SIK3: variants seen among roughly 807,000 people sequenced by gnomAD.
SIK3 encodes the protein SIK family kinase 3.
A neutral mutation model predicts 144.2 loss-of-function variants in SIK3; 28 were observed. The ratio of observed to expected loss-of-function variants is 0.19; its 90% CI spans 0.14 to 0.27. SIK3 has a LOEUF of 0.27. Among genes scored for constraint, SIK3 ranks in the 10% least tolerant of loss-of-function variants. SIK3 has a pLI of 1.00. For synonymous variants in SIK3, 686 were observed against 676.3 expected (o/e 1.01, Z -0.22); for missense variants, 1,319 against 1,776.0 (o/e 0.74, Z 4.62).
At chr11:117,036,734 G>A (rs558601480) in intron 1 of SIK3, among the ~76,000 whole-genome samples, 7 of 152,130 alleles carry the variant, frequency 4.6e-5, no homozygotes, top group Admixed American at 6.5e-5. Context: ...ATGACTCTTC[G>A]GCAAAATACG....
At chr11:116,862,404 GCCTC>G in intron 16 of SIK3, 77 bp from the exon 17 acceptor site, 1 of 1,590,916 alleles carries the variant, frequency 6.3e-7, no homozygotes, top group Non-Finnish European at 8.6e-7. Context: ...ATGCAGATCT[GCCTC>G]CAAGCTCTCA....
At chr11:116,983,890 C>A (rs1371124930) in intron 1 of SIK3, among the ~76,000 whole-genome samples, 1 of 151,640 alleles carries the variant, frequency 6.6e-6, no homozygotes, top group Non-Finnish European at 1.5e-5. Context: ...CATGCGAAAT[C>A]CCATCTAAAA....
intron 17 of SIK3, 130 bp downstream of exon 17, chr11:116,862,072 C>T (rs1943365416): frequency 5.0e-6 from 7 of 1,400,648 alleles, no homozygotes; most frequent in East Asian, 2.3e-5. Flanking sequence ...ATTACCTTTA[C>T]TCAAACATGT....
chr11:116,854,494 G>A (rs1376394080), intron 21 of SIK3, among the ~76,000 whole-genome samples: 1 of 152,250 alleles, frequency 6.6e-6, no homozygotes, highest in South Asian at 2.1e-4. Context: ...TAGCAAAGCT[G>A]TTTATGAGCT....
chr11:117,048,835 G>A (rs1953088750), intron 1 of SIK3, among the ~76,000 whole-genome samples: 1 of 152,074 alleles, frequency 6.6e-6, no homozygotes, highest in African/African-American at 2.4e-5. Flanking sequence ...AGGCATGGTG[G>A]CTCACACCTG....
chr11:117,005,707 T>C (rs988642567), intron 1 of SIK3, among the ~76,000 whole-genome samples: 2 of 152,234 alleles, frequency 1.3e-5, no homozygotes, highest in African/African-American at 2.4e-5. Context: ...TCTATTACTA[T>C]CTTTTGCTGC....
intron 1 of SIK3, among the ~76,000 whole-genome samples, chr11:116,982,965 A>G (rs981869228): frequency 1.1e-4 from 16 of 142,750 alleles, no homozygotes; most frequent in East Asian, 9.9e-4. Flanking sequence ...AAAAAAAAAA[A>G]AAAATTTCTG....
intron 1 of SIK3, among the ~76,000 whole-genome samples, chr11:117,000,329 G>A (rs147562152): frequency 6.6e-6 from 1 of 152,194 alleles, no homozygotes; most frequent in African/African-American, 2.4e-5. Flanking sequence ...ACACAATACT[G>A]TGAATAATAA....
chr11:116,902,506 A>AT (rs1225917779), intron 4 of SIK3, among the ~76,000 whole-genome samples: 2 of 152,198 alleles, frequency 1.3e-5, no homozygotes, highest in African/African-American at 4.8e-5. Flanking sequence ...AATGAATGAT[A>AT]TATTACAGCC....
intron 6 of SIK3, among the ~76,000 whole-genome samples, chr11:116,895,679 T>C (rs929296162): frequency 3.9e-5 from 6 of 152,212 alleles, no homozygotes; most frequent in African/African-American, 1.2e-4. Context: ...TTTTCGGTGT[T>C]AAATTTTTCC....
At chr11:117,010,724 C>T (rs551212645) in intron 1 of SIK3, among the ~76,000 whole-genome samples, 5 of 151,500 alleles carry the variant, frequency 3.3e-5, no homozygotes, top group Admixed American at 1.3e-4. Context: ...TTAATTAAAG[C>T]GACTCAGTCC....
chr11:116,848,036 T>A (rs1591353849), intron 22 of SIK3, among the ~76,000 whole-genome samples: 1 of 152,162 alleles, frequency 6.6e-6, no homozygotes, highest in East Asian at 1.9e-4. Flanking sequence ...GTGACTGGGC[T>A]GGGCACGGTG....
intron 3 of SIK3, among the ~76,000 whole-genome samples, chr11:116,952,214 A>C (rs1948967189): frequency 6.6e-6 from 1 of 152,124 alleles, no homozygotes; most frequent in Non-Finnish European, 1.5e-5. Flanking sequence ...CAGCCTGAAC[A>C]ATATAGTGAG....
intron 1 of SIK3, among the ~76,000 whole-genome samples, chr11:117,096,741 G>T (rs1955491674): frequency 6.6e-6 from 1 of 152,142 alleles, no homozygotes; most frequent in African/African-American, 2.4e-5. Context: ...GTAGCCTCAG[G>T]CAGAAAGATG....
chr11:116,848,114 A>T (rs1274238628), intron 22 of SIK3, among the ~76,000 whole-genome samples: 1 of 152,178 alleles, frequency 6.6e-6, no homozygotes, highest in Non-Finnish European at 1.5e-5. Context: ...GGAGATCGAG[A>T]CCATCCTGGC....
intron 1 of SIK3, among the ~76,000 whole-genome samples, chr11:117,046,767 C>G (rs919604838): frequency 6.6e-6 from 1 of 152,146 alleles, no homozygotes; most frequent in Non-Finnish European, 1.5e-5. Flanking sequence ...GTAGTCCCAG[C>G]TGCTCAGGAG....
At chr11:117,088,128 T>A (rs2134060435) in intron 1 of SIK3, among the ~76,000 whole-genome samples, 1 of 152,240 alleles carries the variant, frequency 6.6e-6, no homozygotes, top group South Asian at 2.1e-4. Context: ...TCCCAGGTAC[T>A]CAGGAGGCTG....
chr11:116,883,189 T>C (rs1485035458), intron 6 of SIK3, among the ~76,000 whole-genome samples: 1 of 152,240 alleles, frequency 6.6e-6, no homozygotes, highest in Non-Finnish European at 1.5e-5. Context: ...GATAAGAGTC[T>C]ATCCCTGTAT....
In SIK3 at chr11:116,867,004, G is replaced by A. The variant is rs1943682374; in HGVS notation, c.1952+942C>T. ...TATGTTGATGCCAAATGGGTAACCA[G>A]CCTCAGTAAAAAAAATGTGTCAAGC... On this transcript the variant is annotated intron_variant, in intron 15 of 24. Transcript: ENST00000445177. The surrounding 1 kb of genome is among the most constrained non-coding windows in gnomAD (Gnocchi z 4.1). Among the ~76,000 whole-genome samples the A allele has an allele frequency of 6.6e-6, 1 of 152,116 alleles. No homozygotes were observed. Among genetic ancestry groups the A allele is most frequent in the Admixed American group, 6.5e-5 (1 of 15,276 alleles).
Sources: gnomAD v4.1 joint callset for allele counts (sites outside exome capture counted in the v4.1 genomes callset) on GRCh38, gnomAD v4.1.1 for gene constraint, Gnocchi (gnomAD v3.1) non-coding constraint, MANE v1.5 for transcripts, NCBI Gene and HGNC (gene_info 2026-07-23, HGNC 2026-07-21) for gene names.